The following DDX17 variants were observed in gnomAD, a reference collection of about 807,000 sequenced individuals.
The protein encoded by DDX17 is DEAD-box helicase 17.
A neutral mutation model predicts 80.8 loss-of-function variants in DDX17; 10 were observed. That is an observed-to-expected ratio of 0.12 (90% CI 0.08 to 0.21). DDX17 has a LOEUF of 0.21. Ranked by LOEUF, DDX17 falls within the 10% of genes least tolerant of loss-of-function variation. DDX17 has a pLI of 1.00. For synonymous variants in DDX17, 339 were observed against 336.2 expected (o/e 1.01, Z -0.09); for missense variants, 586 against 957.4 (o/e 0.61, Z 5.12).
rs1325584453 is a variant in DDX17, at chr22:38,494,601, A to T, written c.1214+29T>A. The T allele has an allele frequency of 2.5e-6, 4 of 1,608,244 alleles. No homozygotes were observed. The South Asian group carries it at 4.4e-5, about 18-fold the overall frequency. ...TTATTAGAAAAGGTTTATCAGCATT[A>T]TCAAATCAGAGTAAAATATCTTTCA... On this transcript the variant is annotated intron_variant, in intron 8 of 12. Transcript: ENST00000403230.
chr22:38,492,830 T>C (rs1027553752), intron 10 of DDX17, among the ~76,000 whole-genome samples: 20 of 152,150 alleles, frequency 1.3e-4, no homozygotes, highest in Non-Finnish European at 1.6e-4. Context: ...CATTTCTCAA[T>C]GGCTTCCCTT....
intron 1 of DDX17, among the ~76,000 whole-genome samples, chr22:38,503,042 C>T (rs529772128): frequency 2.0e-5 from 3 of 152,152 alleles, no homozygotes; most frequent in African/African-American, 4.8e-5. Context: ...TACCTACACT[C>T]AACAGGCAGA....
rs778340936 is a variant in DDX17, at chr22:38,501,296, T to C, written c.288-16A>G. On this transcript the variant is annotated splice_polypyrimidine_tract_variant and intron_variant, in intron 1 of 12. Coordinates refer to ENST00000403230, the MANE Select transcript of DDX17 (RefSeq NM_006386.5). ...TGCTCCAAATCTAGGAACAGAATTTTTAGTTAGTTCATCAGTATTTTTAAA... is the reference window on the plus strand; with the variant it reads ...TGCTCCAAATCTAGGAACAGAATTTCTAGTTAGTTCATCAGTATTTTTAAA... 1.9e-6 allele frequency: 3 copies of C among 1,599,920 alleles called. No individual in the cohort carries two copies. Among genetic ancestry groups the C allele is most frequent in the Non-Finnish European group, 2.6e-6 (3 of 1,174,416 alleles).
Position 38,500,017 on chromosome 22 carries a change from A to T in DDX17, c.439-518T>A, listed in dbSNP as rs545213918. ...CCGTCTCTACTGAAAAAAAAAAAAT[A>T]AATAATAAATGAACCAGGCGTGGTG... is the stretch of plus-strand genomic sequence containing the variant. On this transcript the variant is annotated intron_variant, in intron 2 of 12. Coordinates refer to ENST00000403230, the MANE Select transcript of DDX17 (RefSeq NM_006386.5). Among the ~76,000 whole-genome samples the T allele has an allele frequency of 5.2e-3, 778 of 150,056 alleles. 16 individuals are homozygous for T. Among genetic ancestry groups the T allele is most frequent in the African/African-American group, 0.019 (752 of 39,660 alleles).
rs1268763571 is a variant in DDX17, at chr22:38,505,957, C to A, written c.281G>T (p.Arg94Leu). 3 of 1,578,692 alleles carry A rather than the reference C, an allele frequency of 1.9e-6. No homozygotes were observed. The highest frequency in any genetic ancestry group is 2.6e-6 in the Non-Finnish European group (3 of 1,162,602). Residue 94 changes from arginine (R) to leucine (L), a missense_variant, in exon 1 of 13, where the codon CGT becomes CTT. By Grantham distance (102) the Arg-to-Leu change is moderately radical (BLOSUM62 -2). Transcript: ENST00000403230. Reference sequence around the variant, plus strand: ...TCTCCTCCCCCACCCTTACCCTCCACGGTCACGATCCCGGTCCCGGTCCCC... The same window carrying A: ...TCTCCTCCCCCACCCTTACCCTCCAAGGTCACGATCCCGGTCCCGGTCCCC...
chr22:38,488,504 A>C, intron 11 of DDX17: 1 of 1,063,872 alleles, frequency 9.4e-7, no homozygotes, highest in Non-Finnish European at 1.1e-6. Context: ...ACCACTGTGA[A>C]GTTATGAGGC....
chr22:38,494,860 G>A lies in DDX17; in HGVS notation c.1041+26C>T. 5 of 1,613,938 alleles carry A rather than the reference G, an allele frequency of 3.1e-6. No homozygotes were observed. In the South Asian group the frequency reaches 4.4e-5, roughly 14 times the overall value. On this transcript the variant is annotated intron_variant, in intron 7 of 12. Transcript: ENST00000403230. ...AAGGAACTTGGACAAATGGCATAAA[G>A]ACTGCTTATTATTAGCTTTACACAC... is the stretch of plus-strand genomic sequence containing the variant.
chr22:38,503,022 G>C (rs1034550725), intron 1 of DDX17, among the ~76,000 whole-genome samples: 15 of 152,084 alleles, frequency 9.9e-5, no homozygotes, highest in Non-Finnish European at 2.2e-4. Context: ...ATTTTATTGG[G>C]ATCACTGGAT....
In DDX17 at chr22:38,506,107, G is replaced by GGGGC. The variant is rs1186709446; in HGVS notation, c.127_130dup (p.Pro44ArgfsTer51). ...CGATGGCGGCGGCGCCTCCGCTGTT[G>GGGGC]GGGCGGCGGCAGGCGCAGCGCTCTC... On this transcript the variant is annotated frameshift_variant, in exon 1 of 13. Coordinates refer to ENST00000403230, the MANE Select transcript of DDX17 (RefSeq NM_006386.5). LOFTEE classifies it high-confidence loss of function. The GGGGC allele has an allele frequency of 6.3e-7, 1 of 1,577,702 alleles. No homozygotes were observed. The highest frequency in any genetic ancestry group is 8.6e-7 in the Non-Finnish European group (1 of 1,162,482).
rs1415015515 is a variant in DDX17, at chr22:38,484,022, A to C, written c.*1913T>G. ...CCTTTCCCTCAAACAGATGCTTTCA[A>C]GAGCTGCGAGAGAGTAGGGCATCCC... On this transcript the variant is annotated 3_prime_UTR_variant, in exon 13 of 13. Transcript: ENST00000403230. 3 of 152,624 alleles carry C rather than the reference A, an allele frequency of 2.0e-5. No homozygotes were observed. The highest frequency in any genetic ancestry group is 7.2e-5 in the African/African-American group (3 of 41,464). 9.5% of individuals were successfully genotyped at this position (152,624 alleles called of 1,614,324 possible).
Position 38,506,066 on chromosome 22 carries a change from C to T in DDX17, c.172G>A (p.Glu58Lys). Residue 58 changes from glutamate (E) to lysine (K), a missense_variant, in exon 1 of 13, where the codon GAG (glutamate) becomes AAG (lysine). By Grantham distance (56) the Glu-to-Lys change is moderately conservative. Coordinates refer to ENST00000403230, the MANE Select transcript of DDX17 (RefSeq NM_006386.5). ...GCCGGGCTCGGGAGGGCCTGCGGCT[C>T]CGGTCTGGTGACGACCGATGGCGGC... 1 of 1,585,250 alleles carries T rather than the reference C, an allele frequency of 6.3e-7. No individual in the cohort carries two copies. The highest frequency in any genetic ancestry group is 8.6e-7 in the Non-Finnish European group (1 of 1,166,854).
chr22:38,503,417 T>C (rs1483141651), intron 1 of DDX17, among the ~76,000 whole-genome samples: 1 of 152,068 alleles, frequency 6.6e-6, no homozygotes, highest in Non-Finnish European at 1.5e-5. Context: ...ATGATTATCA[T>C]TCATGTATTT....
chr22:38,498,173 C>G, intron 4 of DDX17, 23 bp from the exon 5 acceptor site: 1 of 1,608,804 alleles, frequency 6.2e-7, no homozygotes, highest in Non-Finnish European at 8.5e-7. Flanking sequence ...GAAAGAATGA[C>G]AACCTTACGC....
At chr22:38,490,262 C>T (rs1005552387) in intron 11 of DDX17, 15 of 1,249,392 alleles carry the variant, frequency 1.2e-5, no homozygotes, top group Middle Eastern at 2.2e-4. Flanking sequence ...AATGTTTTGG[C>T]CAGCTGACTG....
Position 38,486,182 on chromosome 22 carries a change from C to T in DDX17, c.1943G>A (p.Ser648Asn). 8 of 1,614,164 alleles carry T rather than the reference C, an allele frequency of 5.0e-6. No homozygotes were observed. Among genetic ancestry groups the T allele is most frequent in the Non-Finnish European group, 6.8e-6 (8 of 1,179,982 alleles). Residue 648 changes from serine to asparagine, a missense_variant, in exon 13 of 13, where the codon AGT becomes AAT. Ser to Asn is a conservative substitution (Grantham distance 46, BLOSUM62 1). Transcript: ENST00000403230. ...ACCATATTCTTGAGCTGTATAGCTACTGGTGCCATAAGCAGCTGCCCCATA... is the reference window on the plus strand; with the variant it reads ...ACCATATTCTTGAGCTGTATAGCTATTGGTGCCATAAGCAGCTGCCCCATA...
intron 10 of DDX17, 72 bp from the exon 11 acceptor site, chr22:38,492,187 A>G: frequency 7.6e-7 from 1 of 1,308,176 alleles, no homozygotes; most frequent in Non-Finnish European, 1.1e-6. Context: ...TAACCATGTT[A>G]AAATTTCAAA....
chr22:38,483,545 T>A lies in DDX17; in HGVS notation c.*2390A>T, dbSNP rs2089622460. 6.6e-6 allele frequency: 1 copy of A among 152,656 alleles called. No individual in the cohort carries two copies. Among genetic ancestry groups the A allele is most frequent in the African/African-American group, 2.4e-5 (1 of 41,460 alleles). The allele number at this position is 152,656 out of a possible 1,614,324, so 9.5% of individuals were successfully genotyped here. A position where few individuals can be genotyped will look rare whatever the true frequency, so the allele number is the denominator to read the frequency against. On this transcript the variant is annotated 3_prime_UTR_variant, in exon 13 of 13. Coordinates refer to ENST00000403230, the MANE Select transcript of DDX17 (RefSeq NM_006386.5). ...TAGTAACATAGCTTTCAGCATCCTG[T>A]GCCTGAACATCACACATCTACAAGT...
chr22:38,497,929 G>GT (rs2089787238), intron 5 of DDX17, among the ~76,000 whole-genome samples, 156 bp downstream of exon 5: 3 of 152,316 alleles, frequency 2.0e-5, no homozygotes, highest in Admixed American at 2.0e-4. Context: ...GTGATCTTGG[G>GT]TAAGTCATTT....
At chr22:38,496,057 A>G in intron 5 of DDX17, 120 bp from the exon 6 acceptor site, 3 of 892,054 alleles carry the variant, frequency 3.4e-6, no homozygotes, top group Non-Finnish European at 4.6e-6. Context: ...TAGCACATTA[A>G]AAGTGATGGG....
Sources: gnomAD v4.1 joint callset for allele counts (sites outside exome capture counted in the v4.1 genomes callset) on GRCh38, gnomAD v4.1.1 for gene constraint, MANE v1.5 for transcripts, NCBI Gene and HGNC (gene_info 2026-07-23, HGNC 2026-07-21) for gene names.